The following PRMT9 variants were observed in gnomAD, a reference collection of about 807,000 sequenced individuals.
PRMT9 encodes protein arginine N-methyltransferase 9.
A neutral mutation model predicts 83.2 loss-of-function variants in PRMT9; 59 were observed. That is an observed-to-expected ratio of 0.71 (90% CI 0.57 to 0.88). The LOEUF is 0.88. PRMT9 is among the 40% of genes least tolerant of loss of function. The pLI is 0.00. For missense variants in PRMT9, 947 were observed against 1,021.9 expected (o/e 0.93, Z 1.00); for synonymous variants, 333 against 353.2 (o/e 0.94, Z 0.64).
At chr4:147,645,783 G>A (rs1379834803) in intron 9 of PRMT9, among the ~76,000 whole-genome samples, 5 of 152,202 alleles carry the variant, frequency 3.3e-5, no homozygotes, top group Non-Finnish European at 7.3e-5. Flanking sequence ...GCCGTGATGT[G>A]AGGAGCACAG....
Position 147,644,829 on chromosome 4 carries a change from G to C in PRMT9, c.2046-1889C>G, listed in dbSNP as rs1381015559. Among the ~76,000 whole-genome samples, 4 of 152,190 alleles carry C rather than the reference G, an allele frequency of 2.6e-5. No individual in the cohort carries two copies. In the South Asian group the frequency reaches 6.2e-4, roughly 24 times the overall value. ...TATGTGTGAAGGGAGAGAAGGGTGG[G>C]TGGGCCACCTACTGACATCCAGTGA... On this transcript the variant is annotated intron_variant, in intron 9 of 11. Transcript: ENST00000322396.
intron 9 of PRMT9, among the ~76,000 whole-genome samples, chr4:147,651,842 T>C (rs1734116823): frequency 6.6e-6 from 1 of 152,158 alleles, no homozygotes; most frequent in Admixed American, 6.5e-5. Flanking sequence ...GTATGGGAAA[T>C]TGTCATTTAT....
rs200110890 is a variant in PRMT9 at position 147,642,769 on chromosome 4, TCTC to T, written c.2199+15_2199+17del. 1.6e-3 allele frequency: 2,651 copies of T among 1,608,628 alleles called. 35 individuals are homozygous for T. In the African/African-American group the frequency reaches 0.031, roughly 19 times the overall value. On this transcript the variant is annotated intron_variant, in intron 10 of 11. Coordinates refer to ENST00000322396, the MANE Select transcript of PRMT9 (RefSeq NM_138364.4). ...TGTTCAACAGCATCCTGGTTGAACTTCTCCTCTAGACACTTACCTGAAACTGGT... is the reference window on the plus strand; with the variant it reads ...TGTTCAACAGCATCCTGGTTGAACTTCTCTAGACACTTACCTGAAACTGGT...
At chr4:147,668,774 GT>G (rs1026889075) in intron 5 of PRMT9, 129 bp from the exon 6 acceptor site, 17 of 664,904 alleles carry the variant, frequency 2.6e-5, no homozygotes, top group Middle Eastern at 7.2e-4. Flanking sequence ...TAAGTTAAAG[GT>G]TTTTTTTTCT....
chr4:147,680,171 C>A, intron 2 of PRMT9, 152 bp downstream of exon 2: 1 of 755,326 alleles, frequency 1.3e-6, no homozygotes. Context: ...AATATTAAAA[C>A]TGCTATGATT....
At position 147,673,014 on chromosome 4, in the gene PRMT9, T is replaced by C. The variant is rs1560704551; in HGVS notation, c.688A>G (p.Lys230Glu). Residue 230 changes from lysine to glutamate, a missense_variant, in exon 4 of 12, where the codon AAA becomes GAA. Coordinates refer to ENST00000322396, the MANE Select transcript of PRMT9 (RefSeq NM_138364.4). ...VAANKMEAGI[K>E]LLHTKSLDIE... ...TCAAGTGACTTCGTATGTAAGAGTT[T>C]GATCCCTGCTTCCATCTTGTTTGCT... 1 of 1,614,022 alleles carries C rather than the reference T, an allele frequency of 6.2e-7. No individual in the cohort carries two copies. Among genetic ancestry groups the C allele is most frequent in the East Asian group, 2.2e-5 (1 of 44,854 alleles).
At chr4:147,646,533 G>A (rs2126577910) in intron 9 of PRMT9, among the ~76,000 whole-genome samples, 1 of 152,142 alleles carries the variant, frequency 6.6e-6, no homozygotes, top group Middle Eastern at 3.4e-3. Flanking sequence ...AACATAGGTT[G>A]AGCCCAGGAA....
At chr4:147,675,844 G>A (rs188604889) in intron 2 of PRMT9, among the ~76,000 whole-genome samples, 167 of 152,180 alleles carry the variant, frequency 1.1e-3, no homozygotes, top group African/African-American at 3.8e-3. Flanking sequence ...TGATGCTACT[G>A]GACTAACAAA....
chr4:147,667,460 G>C (rs1334594090), intron 6 of PRMT9, among the ~76,000 whole-genome samples: 2 of 152,044 alleles, frequency 1.3e-5, no homozygotes, highest in Non-Finnish European at 2.9e-5. Flanking sequence ...TACTTAAATG[G>C]AACTAATATT....
intron 6 of PRMT9, among the ~76,000 whole-genome samples, chr4:147,666,349 G>T (rs1217301646): frequency 6.6e-6 from 1 of 151,954 alleles, no homozygotes; most frequent in Non-Finnish European, 1.5e-5. Flanking sequence ...GCTTTGGAAG[G>T]TCTCCATCAA....
intron 9 of PRMT9, among the ~76,000 whole-genome samples, chr4:147,643,930 T>A (rs1329211164): frequency 6.6e-6 from 1 of 152,180 alleles, no homozygotes; most frequent in Non-Finnish European, 1.5e-5. Flanking sequence ...AGGTCCACAT[T>A]GCAGTGACAG....
chr4:147,670,747 T>A lies in PRMT9; in HGVS notation c.744-4A>T, dbSNP rs1448437887. The A allele has an allele frequency of 6.3e-7, 1 of 1,576,286 alleles. No homozygotes were observed. Among genetic ancestry groups the A allele is most frequent in the Non-Finnish European group, 8.7e-7 (1 of 1,146,266 alleles). On this transcript the variant is annotated splice_polypyrimidine_tract_variant and splice_region_variant and intron_variant, in intron 4 of 11. Coordinates refer to ENST00000322396, the MANE Select transcript of PRMT9 (RefSeq NM_138364.4). ...TTCTGTTACAACTAGGGACACTCTA[T>A]AGAATGATTTTTTAAAGATATATGT... is the stretch of plus-strand genomic sequence containing the variant.
At chr4:147,664,166 A>T (rs566518249) in intron 6 of PRMT9, among the ~76,000 whole-genome samples, 3 of 152,282 alleles carry the variant, frequency 2.0e-5, no homozygotes, top group African/African-American at 7.2e-5. Context: ...AATTAAGCAG[A>T]CATAGTGGTG....
intron 4 of PRMT9, among the ~76,000 whole-genome samples, chr4:147,671,158 C>T (rs1053336260): frequency 6.6e-5 from 10 of 152,198 alleles, no homozygotes; most frequent in African/African-American, 2.4e-4. Context: ...CCATCAATAA[C>T]TCCCTACTTA....
chr4:147,662,296 G>T (rs1470073739), intron 6 of PRMT9, among the ~76,000 whole-genome samples: 1 of 152,180 alleles, frequency 6.6e-6, no homozygotes, highest in Non-Finnish European at 1.5e-5. Context: ...ACTAATCTAC[G>T]GTGTTAGAAG....
chr4:147,670,839 G>A, intron 4 of PRMT9, 96 bp from the exon 5 acceptor site: 1 of 804,916 alleles, frequency 1.2e-6, no homozygotes, highest in Middle Eastern at 2.3e-4. Flanking sequence ...GTATATTATA[G>A]AAACAGTCCA....
chr4:147,638,636 C>T lies in PRMT9; in HGVS notation c.2434G>A (p.Ala812Thr). The T allele has an allele frequency of 6.2e-7, 1 of 1,613,366 alleles. No homozygotes were observed. The highest frequency in any genetic ancestry group is 8.5e-7 in the Non-Finnish European group (1 of 1,179,350). Residue 812 changes from alanine (A) to threonine (T), a missense_variant, in exon 12 of 12, where the codon GCT becomes ACT. By Grantham distance (58) the Ala-to-Thr change is moderately conservative. Transcript: ENST00000322396. ...TSSEASHWKQAAVVLDNPIQV... is the reference protein window; with the variant it reads ...TSSEASHWKQTAVVLDNPIQV... ...ATGGGATTATCTAAAACAACTGCAG[C>T]TTGTTTCCAGTGGGAGGCTTCACTT...
chr4:147,646,967 T>G (rs949172618), intron 9 of PRMT9, among the ~76,000 whole-genome samples: 2 of 152,168 alleles, frequency 1.3e-5, no homozygotes, highest in Non-Finnish European at 2.9e-5. Flanking sequence ...GTAAGCTAAC[T>G]GTGGGAGAAA....
intron 9 of PRMT9, among the ~76,000 whole-genome samples, chr4:147,652,503 A>G (rs1357555561): frequency 6.6e-6 from 1 of 152,084 alleles, no homozygotes; most frequent in Admixed American, 6.6e-5. Flanking sequence ...TTGTACACAT[A>G]GGATTTCATC....
Sources: gnomAD v4.1 joint callset for allele counts (sites outside exome capture counted in the v4.1 genomes callset) on GRCh38, gnomAD v4.1.1 for gene constraint, MANE v1.5 for transcripts, NCBI Gene and HGNC (gene_info 2026-07-23, HGNC 2026-07-21) for gene names.